Variants in CKAP2 observed in about 807,000 individuals in gnomAD.
CKAP2 encodes cytoskeleton associated protein 2, also known as cytoskeleton-associated protein 2.
In CKAP2, 46 loss-of-function variants were observed where a neutral mutation model predicts 58.4. That is an observed-to-expected ratio of 0.79 (90% CI 0.62 to 1.01). The LOEUF is 1.01. Ranked by LOEUF, CKAP2 falls within the 50% of genes least tolerant of loss-of-function variation. CKAP2 has a pLI of 0.00. For missense variants in CKAP2, 809 were observed against 796.4 expected (o/e 1.02, Z -0.19); for synonymous variants, 293 against 280.9 (o/e 1.04, Z -0.43).
At chr13:52,471,154 G>A (rs2137869718) in intron 7 of CKAP2, among the ~76,000 whole-genome samples, 1 of 151,150 alleles carries the variant, frequency 6.6e-6, no homozygotes, top group South Asian at 2.1e-4. Flanking sequence ...GAGACTCCGT[G>A]TCAAAAAGAA....
At chr13:52,455,867 A>G in intron 1 of CKAP2, 4 of 926,458 alleles carry the variant, frequency 4.3e-6, no homozygotes, top group Non-Finnish European at 5.6e-6. Context: ...CCCTCCTAAG[A>G]AGGAATCCGT....
At chr13:52,465,760 A>C (rs1445799129) in intron 6 of CKAP2, 2 of 498,174 alleles carry the variant, frequency 4.0e-6, no homozygotes, top group Non-Finnish European at 7.8e-6. Context: ...CCTGGTTGGA[A>C]GTTTACTGGG....
chr13:52,474,053 TATA>T lies in CKAP2; in HGVS notation c.1774_1776del (p.Asn592del), dbSNP rs766450673. On this transcript the variant is annotated inframe_deletion, in exon 8 of 9. Coordinates refer to ENST00000258607, the MANE Select transcript of CKAP2 (RefSeq NM_018204.5). ...AACGAGGACAAGTTGCTTAATTAAA[TATA>T]ATGTGTCTACTACGCCATACTTGCA... The T allele has an allele frequency of 6.2e-7, 1 of 1,613,874 alleles. No homozygotes were observed.
Position 52,461,698 on chromosome 13 carries a change from A to G in CKAP2, c.872A>G (p.Gln291Arg), listed in dbSNP as rs768832175. 1 of 1,613,996 alleles carries G rather than the reference A, an allele frequency of 6.2e-7. No homozygotes were observed. Among genetic ancestry groups the G allele is most frequent in the Non-Finnish European group, 8.5e-7 (1 of 1,179,970 alleles). Residue 291 changes from glutamine (Q) to arginine (R), a missense_variant, in exon 4 of 9, where the codon CAA becomes CGA. By Grantham distance (43) the Gln-to-Arg change is conservative. Transcript: ENST00000258607. ...RKGPHEKELLQSKTALSSVKT... is the reference protein window; with the variant it reads ...RKGPHEKELLRSKTALSSVKT... Reference sequence around the variant, plus strand: ...GGGCCTCATGAAAAAGAACTATTACAATCAAAAACAGCTTTATCTAGTGTC... The same window carrying G: ...GGGCCTCATGAAAAAGAACTATTACGATCAAAAACAGCTTTATCTAGTGTC...
intron 7 of CKAP2, among the ~76,000 whole-genome samples, chr13:52,469,927 G>A (rs997637668): frequency 6.6e-6 from 1 of 151,892 alleles, no homozygotes; most frequent in Non-Finnish European, 1.5e-5. Context: ...ATGACACATA[G>A]TAAAGTCATT....
chr13:52,465,084 T>G (rs146877478), intron 5 of CKAP2, among the ~76,000 whole-genome samples: 2 of 152,138 alleles, frequency 1.3e-5, no homozygotes, highest in Non-Finnish European at 2.9e-5. Context: ...GTAGAAGGTA[T>G]TAACAAATGG....
chr13:52,459,984 C>A (rs979779410), intron 2 of CKAP2, among the ~76,000 whole-genome samples: 1 of 152,058 alleles, frequency 6.6e-6, no homozygotes, highest in Non-Finnish European at 1.5e-5. Context: ...CCCAGCCTCC[C>A]AAGTAGCTGG....
intron 7 of CKAP2, among the ~76,000 whole-genome samples, chr13:52,471,992 CTCTT>C (rs1420547895): frequency 1.3e-5 from 2 of 152,154 alleles, no homozygotes; most frequent in African/African-American, 2.4e-5. Flanking sequence ...CCCTGAATTT[CTCTT>C]TCTTTTTTTC....
chr13:52,461,542 C>T lies in CKAP2; in HGVS notation c.716C>T (p.Thr239Ile). 1 of 1,614,172 alleles carries T rather than the reference C, an allele frequency of 6.2e-7. No individual in the cohort carries two copies. The highest frequency in any genetic ancestry group is 8.5e-7 in the Non-Finnish European group (1 of 1,180,038). Residue 239 changes from threonine (T) to isoleucine (I), a missense_variant, in exon 4 of 9, where the codon ACT (threonine) becomes ATT (isoleucine). By Grantham distance (89) the Thr-to-Ile change is moderately conservative. Around this residue, in one of 3 missense-constraint regions of CKAP2, gnomAD observed 523 missense variants for 492.4 expected, o/e 1.06. Coordinates refer to ENST00000258607, the MANE Select transcript of CKAP2 (RefSeq NM_018204.5). ...SNRSSNMTATTKFVSTTSQNT... is the reference protein window; with the variant it reads ...SNRSSNMTATIKFVSTTSQNT... Reference sequence around the variant, plus strand: ...AGATCCTCCAATATGACTGCCACTACTAAATTTGTGAGCACTACATCTCAG... The same window carrying T: ...AGATCCTCCAATATGACTGCCACTATTAAATTTGTGAGCACTACATCTCAG...
rs1213601782 is a variant in CKAP2 at position 52,475,898 on chromosome 13, G to A, written c.*757G>A. On this transcript the variant is annotated 3_prime_UTR_variant, in exon 9 of 9. Coordinates refer to ENST00000258607, the MANE Select transcript of CKAP2 (RefSeq NM_018204.5). ...TGGTTTAACTTTTGTAACTTCACTT[G>A]ATAGTTTTTAAGCAATTAGAATGGA... is the stretch of plus-strand genomic sequence containing the variant. 6.6e-6 allele frequency: 1 copy of A among 152,170 alleles called. No individual in the cohort carries two copies. The highest frequency in any genetic ancestry group is 1.5e-5 in the Non-Finnish European group (1 of 68,034). The allele number at this position is 152,170 out of a possible 1,614,324, so 9.4% of individuals were successfully genotyped here. A position where few individuals can be genotyped will look rare whatever the true frequency, so the allele number is the denominator to read the frequency against.
At chr13:52,470,411 T>G (rs1312920212) in intron 7 of CKAP2, among the ~76,000 whole-genome samples, 1 of 152,048 alleles carries the variant, frequency 6.6e-6, no homozygotes, top group Non-Finnish European at 1.5e-5. Context: ...GGCCAACAGT[T>G]TGAACTTTTA....
rs1328751944 is a variant in CKAP2 at position 52,461,368 on chromosome 13, A to G, written c.542A>G (p.Gln181Arg). The G allele has an allele frequency of 3.7e-6, 6 of 1,614,258 alleles. No individual in the cohort carries two copies. Among genetic ancestry groups the G allele is most frequent in the Non-Finnish European group, 4.2e-6 (5 of 1,180,040 alleles). The stretch of plus-strand genomic sequence containing the variant: ...CCTGTGCTTGGATCTTATCGTGGCC[A>G]GATTGTTCAGTCTAAGATTAATTCA... Reference protein sequence around the residue: ...KKPVLGSYRGQIVQSKINSFR... With the variant: ...KKPVLGSYRGRIVQSKINSFR... Residue 181 changes from glutamine (Q) to arginine (R), a missense_variant, in exon 4 of 9, where the codon CAG (glutamine) becomes CGG (arginine). Transcript: ENST00000258607.
chr13:52,465,455 C>G lies in CKAP2; in HGVS notation c.1466C>G (p.Ala489Gly). 1 of 1,612,700 alleles carries G rather than the reference C, an allele frequency of 6.2e-7. No homozygotes were observed. The highest frequency in any genetic ancestry group is 1.7e-5 in the Admixed American group (1 of 59,956). Reference protein sequence around the residue: ...IIAIYEKAILAGAQPIEEMRH... With the variant: ...IIAIYEKAILGGAQPIEEMRH... ...GCAATCTATGAGAAAGCCATTCTGG[C>G]AGGGGCTCAGGTAAGATAAAAATTT... The change falls in exon 6 of 9, where the codon GCA (alanine) becomes GGA (glycine). Residue 489 changes from alanine (A) to glycine (G), a missense_variant. Transcript: ENST00000258607.
At position 52,474,959 on chromosome 13, in the gene CKAP2, C is replaced by G. The variant is rs1162624412; in HGVS notation, c.1867C>G (p.Pro623Ala). ...SAFKELKFLT[P>A]VRRSRRLQEK... ...ATTTAAAGAGCTGAAGTTTTTAACA[C>G]CAGTGAGACGTTCTCGACGTCTTCA... The change falls in exon 9 of 9, where the codon CCA (proline) becomes GCA (alanine). Residue 623 changes from proline (P) to alanine (A), a missense_variant. This residue lies in a region of CKAP2 where 283 missense variants were observed against 287.6 expected (regional missense o/e 0.98). Transcript: ENST00000258607. 1 of 1,613,816 alleles carries G rather than the reference C, an allele frequency of 6.2e-7. No individual in the cohort carries two copies. The highest frequency in any genetic ancestry group is 1.1e-5 in the South Asian group (1 of 91,074).
chr13:52,458,788 C>T (rs1463538048), intron 2 of CKAP2, among the ~76,000 whole-genome samples: 1 of 150,568 alleles, frequency 6.6e-6, no homozygotes, highest in Non-Finnish European at 1.5e-5. Context: ...ACCTGGGAGG[C>T]GGAGGTTGCA....
intron 2 of CKAP2, among the ~76,000 whole-genome samples, chr13:52,459,210 C>T (rs765712092): frequency 1.3e-5 from 2 of 152,042 alleles, no homozygotes; most frequent in Non-Finnish European, 2.9e-5. Context: ...CAGGTTGTGT[C>T]AAAGTTCTGT....
In CKAP2 at chr13:52,475,338, G is replaced by A; in HGVS notation, c.*197G>A. 1.6e-6 allele frequency: 1 copy of A among 627,070 alleles called. No homozygotes were observed. The allele number at this position is 627,070 out of a possible 1,614,324, so 38.8% of individuals were successfully genotyped here. On this transcript the variant is annotated 3_prime_UTR_variant, in exon 9 of 9. Coordinates refer to ENST00000258607, the MANE Select transcript of CKAP2 (RefSeq NM_018204.5). ...TACATTGGAAAGCTAATCCTACCTT[G>A]TCAGTTTCAACCAACTGAGTTTTTT...
At position 52,473,752 on chromosome 13, in the gene CKAP2, A is replaced by G. The variant is rs1301834903; in HGVS notation, c.1547-77A>G. The G allele has an allele frequency of 2.9e-6, 4 of 1,378,384 alleles. No individual in the cohort carries two copies. In the East Asian group the frequency reaches 6.9e-5, roughly 24 times the overall value. The allele number at this position is 1,378,384 out of a possible 1,614,324, so 85.4% of individuals were successfully genotyped here. A position where few individuals can be genotyped will look rare whatever the true frequency, so the allele number is the denominator to read the frequency against. On this transcript the variant is annotated intron_variant, in intron 7 of 8. Coordinates refer to ENST00000258607, the MANE Select transcript of CKAP2 (RefSeq NM_018204.5). Reference sequence around the variant, plus strand: ...TTTTATTTTGAAAATGTGGCCAACTAGGAACAACTTTAATGTCTTCTGATT... The same window carrying G: ...TTTTATTTTGAAAATGTGGCCAACTGGGAACAACTTTAATGTCTTCTGATT...
intron 7 of CKAP2, among the ~76,000 whole-genome samples, chr13:52,470,139 T>C (rs1277065455): frequency 6.6e-6 from 1 of 150,448 alleles, no homozygotes; most frequent in Non-Finnish European, 1.5e-5. Context: ...AGAGTCTTGC[T>C]CTGTTGCCCA....
Sources: allele counts gnomAD v4.1 joint callset (sites outside exome capture counted in the v4.1 genomes callset), GRCh38; gene constraint gnomAD v4.1.1; regional missense constraint gnomAD v4.1.1; transcripts MANE v1.5; gene names NCBI Gene and HGNC (gene_info 2026-07-23, HGNC 2026-07-21).